Variants in SCTR observed in about 807,000 individuals in gnomAD.
The protein encoded by SCTR is secretin receptor.
Under a neutral mutation model 60.8 loss-of-function variants are expected in SCTR, and 56 were observed. The ratio of observed to expected loss-of-function variants is 0.92; its 90% confidence interval spans 0.74 to 1.15. The LOEUF is 1.15. Ranked by LOEUF, SCTR falls within the 50% of genes most tolerant of loss-of-function variation. The probability of loss-of-function intolerance (pLI) is 0.00; values close to 1 mark genes in which losing one functional copy is unlikely to be tolerated. For synonymous variants in SCTR, 202 were observed against 217.0 expected, an observed-to-expected ratio of 0.93 and a Z score of 0.61; for missense variants, 562 against 550.4, an observed-to-expected ratio of 1.02 and a Z score of -0.21.
At chr2:119,520,518 C>T (rs572511567) in intron 1 of SCTR, among the ~76,000 whole-genome samples, 1 of 152,278 alleles carries the variant, frequency 6.6e-6, no homozygotes, top group South Asian at 2.1e-4. Flanking sequence ...GCTTGCAGGC[C>T]TTTCTAAGGT....
intron 4 of SCTR, among the ~76,000 whole-genome samples, chr2:119,472,438 G>A (rs1237697734): frequency 6.6e-6 from 1 of 152,198 alleles, no homozygotes; most frequent in Non-Finnish European, 1.5e-5. Context: ...GAGAGAAAGG[G>A]CCATCCTGGG....
At chr2:119,474,047 G>A (rs149582304) in intron 3 of SCTR, among the ~76,000 whole-genome samples, 25 of 152,266 alleles carry the variant, frequency 1.6e-4, no homozygotes, top group Non-Finnish European at 3.2e-4. Flanking sequence ...CGCCCCTCAC[G>A]GAAGGGTGGA....
intron 1 of SCTR, among the ~76,000 whole-genome samples, chr2:119,507,309 G>T (rs1054810517): frequency 6.6e-6 from 1 of 152,150 alleles, no homozygotes; most frequent in African/African-American, 2.4e-5. Flanking sequence ...TATGTTAAAT[G>T]TACTAATTTT....
At chr2:119,452,497 T>C (rs891990712) in intron 8 of SCTR, among the ~76,000 whole-genome samples, 2 of 152,192 alleles carry the variant, frequency 1.3e-5, no homozygotes, top group Non-Finnish European at 2.9e-5. Context: ...GCATGTGCCC[T>C]GTCCAAGACA....
At chr2:119,489,796 G>A (rs1403930262) in intron 2 of SCTR, among the ~76,000 whole-genome samples, 2 of 152,176 alleles carry the variant, frequency 1.3e-5, no homozygotes, top group African/African-American at 4.8e-5. Context: ...CAGTGTTTGG[G>A]GTGGAGATGT....
rs993037831 is a variant in SCTR, at chr2:119,451,637, C to A, written c.921+373G>T. 3.3e-5 allele frequency among the ~76,000 whole-genome samples: 5 copies of A among 152,186 alleles called. No individual in the cohort carries two copies. The East Asian group carries it at 9.7e-4, about 29-fold the overall frequency. On this transcript the variant is annotated intron_variant, in intron 9 of 12. Transcript: ENST00000019103. Reference sequence around the variant, plus strand: ...GTGATCTCAGCTTAGCGACTCATCCCAAGTTAACAAGCAAATCCCTAGAAA... The same window carrying A: ...GTGATCTCAGCTTAGCGACTCATCCAAAGTTAACAAGCAAATCCCTAGAAA...
intron 1 of SCTR, among the ~76,000 whole-genome samples, chr2:119,514,986 G>C (rs1314678881): frequency 6.6e-6 from 1 of 152,192 alleles, no homozygotes; most frequent in Admixed American, 6.5e-5. Flanking sequence ...TCGCTTCAAG[G>C]GGGGAAAGGA....
chr2:119,453,194 C>A, intron 8 of SCTR, 93 bp downstream of exon 8: 8 of 953,320 alleles, frequency 8.4e-6, no homozygotes, highest in East Asian at 2.4e-5. Context: ...GAGAAAAAGG[C>A]CTTTCCTAGA....
rs549851179 is a variant in SCTR, at chr2:119,477,948, G to A, written c.301+863C>T. Among the ~76,000 whole-genome samples the A allele has an allele frequency of 1.4e-3, 219 of 152,336 alleles. 1 individual carries two copies. The highest frequency in any genetic ancestry group is 6.8e-3 in the Middle Eastern group (2 of 294). On this transcript the variant is annotated intron_variant, in intron 3 of 12. Coordinates refer to ENST00000019103, the MANE Select transcript of SCTR (RefSeq NM_002980.3). ...CAGCATGTTCCCCAAATATGTGTGTGTGTGCACACATGTGCGTATGTACAG... is the reference window on the plus strand; with the variant it reads ...CAGCATGTTCCCCAAATATGTGTGTATGTGCACACATGTGCGTATGTACAG...
chr2:119,457,811 T>C (rs980408053), intron 7 of SCTR, among the ~76,000 whole-genome samples: 2 of 152,172 alleles, frequency 1.3e-5, no homozygotes, highest in African/African-American at 4.8e-5. Context: ...GTGTATTGAT[T>C]TTAGAAACAC....
intron 1 of SCTR, among the ~76,000 whole-genome samples, chr2:119,514,332 G>A (rs1262351519): frequency 6.6e-6 from 1 of 152,144 alleles, no homozygotes; most frequent in African/African-American, 2.4e-5. Flanking sequence ...GATATTTGGT[G>A]TTGGCATGGG....
intron 7 of SCTR, among the ~76,000 whole-genome samples, chr2:119,459,404 AT>A (rs72044012): frequency 0.22 from 32,424 of 149,698 alleles, 4,018 homozygotes; most frequent in African/African-American, 0.33. Flanking sequence ...GACTAGGGTA[AT>A]TTTTTTTTTT....
chr2:119,488,318 A>G (rs1677969276), intron 2 of SCTR, among the ~76,000 whole-genome samples: 1 of 152,230 alleles, frequency 6.6e-6, no homozygotes, highest in African/African-American at 2.4e-5. Flanking sequence ...GCCAGACACC[A>G]CAGCTCTTGC....
intron 1 of SCTR, among the ~76,000 whole-genome samples, chr2:119,500,672 A>T (rs1421394328): frequency 6.6e-6 from 1 of 152,210 alleles, no homozygotes; most frequent in East Asian, 1.9e-4. Flanking sequence ...GGAACTAAAA[A>T]GGTGGATCAC....
At position 119,464,239 on chromosome 2, in the gene SCTR, G is replaced by C; in HGVS notation, c.520C>G (p.Arg174Gly). 5 of 1,614,236 alleles carry C rather than the reference G, an allele frequency of 3.1e-6. No individual in the cohort carries two copies. Among genetic ancestry groups the C allele is most frequent in the Non-Finnish European group, 4.2e-6 (5 of 1,180,038 alleles). Residue 174 changes from arginine (R) to glycine (G), a missense_variant, in exon 6 of 13, where the codon CGC (arginine) becomes GGC (glycine). Arg to Gly is a moderately radical substitution (Grantham distance 125, BLOSUM62 -2). Transcript: ENST00000019103. ...AACAGGTGCATGTGGATGTAGTTGC[G>C]AGTGCAGTGGAGCCTCCTGCAGGGA... Reference protein sequence around the residue: ...LCAFRRLHCTRNYIHMHLFVS... With the variant: ...LCAFRRLHCTGNYIHMHLFVS...
chr2:119,494,382 A>G, intron 2 of SCTR, 46 bp downstream of exon 2: 2 of 1,600,408 alleles, frequency 1.2e-6, no homozygotes, highest in South Asian at 1.1e-5. Flanking sequence ...AGGACCGGAC[A>G]TGCTCCACCC....
At chr2:119,503,826 G>C (rs1359896751) in intron 1 of SCTR, among the ~76,000 whole-genome samples, 1 of 152,122 alleles carries the variant, frequency 6.6e-6, no homozygotes, top group African/African-American at 2.4e-5. Context: ...CATAAGCTCA[G>C]CAATTGTAAT....
intron 6 of SCTR, among the ~76,000 whole-genome samples, chr2:119,463,125 G>C (rs72833279): frequency 0.016 from 2,456 of 152,110 alleles, 24 homozygotes; most frequent in South Asian, 0.054. Context: ...GTAGGAAGTG[G>C]CAGGCAGGTT....
chr2:119,451,863 A>T, intron 9 of SCTR, 147 bp downstream of exon 9: 1 of 625,274 alleles, frequency 1.6e-6, no homozygotes, highest in Non-Finnish European at 3.0e-6. Context: ...TCCACACCCC[A>T]CGCTGCTCAC....
Sources: gnomAD v4.1 joint callset for allele counts (sites outside exome capture counted in the v4.1 genomes callset) on GRCh38, gnomAD v4.1.1 for gene constraint, MANE v1.5 for transcripts, NCBI Gene and HGNC (gene_info 2026-07-23, HGNC 2026-07-21) for gene names.